The following TNFRSF10A variants were observed in gnomAD, a reference collection of about 807,000 sequenced individuals.
TNFRSF10A encodes the protein TNF receptor superfamily member 10a.
Under a neutral mutation model 42.8 loss-of-function variants are expected in TNFRSF10A, and 44 were observed. The ratio of observed to expected loss-of-function variants is 1.03; its 90% CI spans 0.81 to 1.32. The LOEUF is 1.32. TNFRSF10A is among the 40% of genes most tolerant of loss of function. The pLI is 0.00. For missense variants in TNFRSF10A, 680 were observed against 602.0 expected (o/e 1.13, Z -1.36); for synonymous variants, 259 against 234.2 (o/e 1.11, Z -0.97).
chr8:23,216,507 G>T (rs941493003), intron 1 of TNFRSF10A, among the ~76,000 whole-genome samples: 2 of 152,088 alleles, frequency 1.3e-5, no homozygotes, highest in African/African-American at 4.8e-5. Flanking sequence ...ACTTTGGGAG[G>T]CCGAGGTGGG....
At chr8:23,209,755 G>T (rs570368191) in intron 2 of TNFRSF10A, among the ~76,000 whole-genome samples, 1 of 152,304 alleles carries the variant, frequency 6.6e-6, no homozygotes, top group South Asian at 2.1e-4. Context: ...GATTTTATAG[G>T]CTCATAGGCA....
intron 2 of TNFRSF10A, among the ~76,000 whole-genome samples, chr8:23,207,852 C>A (rs1353505270): frequency 2.0e-5 from 3 of 148,724 alleles, no homozygotes; most frequent in African/African-American, 7.4e-5. Flanking sequence ...AATTAAACCT[C>A]TTTCTTTGTA....
At position 23,209,662 on chromosome 8, in the gene TNFRSF10A, C is replaced by T. The variant is rs114012903; in HGVS notation, c.403+2454G>A. Among the ~76,000 whole-genome samples the T allele has an allele frequency of 3.5e-3, 538 of 152,280 alleles. 1 individual carries two copies. Among genetic ancestry groups the T allele is most frequent in the African/African-American group, 0.013 (521 of 41,560 alleles). ...CATGGGGCCTGTAGCCCTTTGTTTT[C>T]GACAATGTCACCCATTTGGAATGGA... On this transcript the variant is annotated intron_variant, in intron 2 of 9. Coordinates refer to ENST00000221132, the MANE Select transcript of TNFRSF10A (RefSeq NM_003844.4).
At chr8:23,196,618 C>T (rs1226133896) in intron 9 of TNFRSF10A, among the ~76,000 whole-genome samples, 4 of 152,212 alleles carry the variant, frequency 2.6e-5, no homozygotes, top group Non-Finnish European at 2.9e-5. Context: ...TCTTCCTTGT[C>T]AATACTAATT....
intron 1 of TNFRSF10A, among the ~76,000 whole-genome samples, chr8:23,212,433 T>C (rs1381839779): frequency 6.6e-6 from 1 of 152,264 alleles, no homozygotes; most frequent in East Asian, 1.9e-4. Context: ...TCTATGAATT[T>C]AACTACTCTA....
At chr8:23,212,259 C>T (rs201275380) in intron 1 of TNFRSF10A, 47 bp from the exon 2 acceptor site, 1 of 1,515,848 alleles carries the variant, frequency 6.6e-7, no homozygotes, top group East Asian at 2.3e-5. Flanking sequence ...CCAGATCTCA[C>T]CCATTACAAG....
At chr8:23,213,828 A>G (rs1801135125) in intron 1 of TNFRSF10A, among the ~76,000 whole-genome samples, 1 of 152,158 alleles carries the variant, frequency 6.6e-6, no homozygotes, top group Non-Finnish European at 1.5e-5. Context: ...ATTTACAGCT[A>G]TCATTTTCCA....
At chr8:23,213,296 T>C (rs1019647105) in intron 1 of TNFRSF10A, among the ~76,000 whole-genome samples, 3 of 151,990 alleles carry the variant, frequency 2.0e-5, no homozygotes, top group Non-Finnish European at 2.9e-5. Context: ...TCTTAGTCCA[T>C]CTAAGTAAAG....
At chr8:23,212,756 T>A (rs192849801) in intron 1 of TNFRSF10A, among the ~76,000 whole-genome samples, 5 of 152,358 alleles carry the variant, frequency 3.3e-5, no homozygotes, top group South Asian at 2.1e-4. Flanking sequence ...AAGAGTTGTA[T>A]AATTCTTATA....
At chr8:23,218,448 G>A (rs1320875833) in intron 1 of TNFRSF10A, among the ~76,000 whole-genome samples, 2 of 152,050 alleles carry the variant, frequency 1.3e-5, no homozygotes, top group East Asian at 3.9e-4. Flanking sequence ...GTTGGCTGTG[G>A]TCGAAAATCT....
At chr8:23,221,136 C>G (rs550908370) in intron 1 of TNFRSF10A, among the ~76,000 whole-genome samples, 1 of 152,270 alleles carries the variant, frequency 6.6e-6, no homozygotes, top group South Asian at 2.1e-4. Context: ...GGTGCAGCCT[C>G]TGCTGGGTAG....
At chr8:23,203,224 C>G (rs953221397) in intron 2 of TNFRSF10A, among the ~76,000 whole-genome samples, 4 of 152,138 alleles carry the variant, frequency 2.6e-5, no homozygotes, top group African/African-American at 9.7e-5. Context: ...GCCTAGAGAC[C>G]AGGGCAATGC....
At chr8:23,224,717 G>C in intron 1 of TNFRSF10A, 39 bp downstream of exon 1, 2 of 1,538,382 alleles carry the variant, frequency 1.3e-6, no homozygotes, top group Non-Finnish European at 1.8e-6. Flanking sequence ...CCGGTGCCAG[G>C]CGCGCTTTTC....
chr8:23,224,465 C>A, intron 1 of TNFRSF10A: 1 of 459,948 alleles, frequency 2.2e-6, no homozygotes, highest in Non-Finnish European at 3.9e-6. Context: ...CTTCCCGATA[C>A]ATCGTGAGGT....
At chr8:23,194,147 T>C (rs1171022487) in intron 9 of TNFRSF10A, among the ~76,000 whole-genome samples, 1 of 152,218 alleles carries the variant, frequency 6.6e-6, no homozygotes, top group Non-Finnish European at 1.5e-5. Context: ...TGAGTTTGTA[T>C]TACTGTCTCA....
chr8:23,220,532 T>C (rs907259318), intron 1 of TNFRSF10A, among the ~76,000 whole-genome samples: 1 of 152,332 alleles, frequency 6.6e-6, no homozygotes. Context: ...ACTAGGCAGA[T>C]ATAAAATCTG....
At chr8:23,215,369 G>A (rs1238779180) in intron 1 of TNFRSF10A, among the ~76,000 whole-genome samples, 3 of 152,022 alleles carry the variant, frequency 2.0e-5, no homozygotes, top group African/African-American at 4.8e-5. Context: ...TATGCTGGGC[G>A]TGGTGGTGGG....
chr8:23,192,139 G>C (rs946073171), intron 9 of TNFRSF10A, 126 bp from the exon 10 acceptor site: 22 of 1,459,208 alleles, frequency 1.5e-5, no homozygotes, highest in Non-Finnish European at 1.8e-5. Flanking sequence ...GGGCAAACCT[G>C]TTGCTCCATT....
chr8:23,215,140 T>C (rs756112333), intron 1 of TNFRSF10A, among the ~76,000 whole-genome samples: 20 of 152,168 alleles, frequency 1.3e-4, no homozygotes, highest in Non-Finnish European at 2.6e-4. Flanking sequence ...TCTCAGGTGG[T>C]TCAAAGTAAA....
Sources: gnomAD v4.1 joint callset for allele counts (sites outside exome capture counted in the v4.1 genomes callset) on GRCh38, gnomAD v4.1.1 for gene constraint, MANE v1.5 for transcripts, NCBI Gene and HGNC (gene_info 2026-07-23, HGNC 2026-07-21) for gene names.